Variants in ATP8A2 observed in about 807,000 individuals in gnomAD.
ATP8A2 encodes phospholipid-transporting ATPase IB.
In ATP8A2, 100 loss-of-function variants were observed where a neutral mutation model predicts 165.6. The ratio of observed to expected loss-of-function variants is 0.60; its 90% CI spans 0.51 to 0.71. The LOEUF (loss-of-function observed/expected upper bound fraction) is 0.71. ATP8A2 is among the 30% of genes least tolerant of loss of function. The pLI is 0.00. For synonymous variants in ATP8A2, 543 were observed against 548.8 expected (o/e 0.99, Z 0.15); for missense variants, 1,227 against 1,479.5 (o/e 0.83, Z 2.80).
At chr13:25,388,484 T>C (rs1174578845) in intron 1 of ATP8A2, among the ~76,000 whole-genome samples, 1 of 152,138 alleles carries the variant, frequency 6.6e-6, no homozygotes, top group Non-Finnish European at 1.5e-5. Context: ...GGGGTCCGTG[T>C]GAGAGGACCG....
intron 24 of ATP8A2, among the ~76,000 whole-genome samples, chr13:25,620,287 C>T (rs2040936000): frequency 6.6e-6 from 1 of 152,130 alleles, no homozygotes; most frequent in African/African-American, 2.4e-5. Flanking sequence ...TCACCAGCAA[C>T]AGAGGGACCA....
intron 1 of ATP8A2, among the ~76,000 whole-genome samples, chr13:25,443,583 A>C (rs1319403530): frequency 1.3e-5 from 2 of 152,364 alleles, no homozygotes; most frequent in African/African-American, 4.8e-5. Flanking sequence ...TGTGTTATAC[A>C]CGCCTATCAT....
intron 23 of ATP8A2, among the ~76,000 whole-genome samples, chr13:25,586,393 A>G (rs1460116624): frequency 6.6e-6 from 1 of 152,110 alleles, no homozygotes; most frequent in Non-Finnish European, 1.5e-5. Flanking sequence ...TTGAGGGAGC[A>G]TGTTCTTCTG....
intron 27 of ATP8A2, among the ~76,000 whole-genome samples, chr13:25,811,247 A>G (rs756542682): frequency 1.6e-4 from 25 of 152,242 alleles, no homozygotes; most frequent in Non-Finnish European, 2.8e-4. Flanking sequence ...ACATAGCAAT[A>G]TCAGTGACAT....
chr13:25,853,588 A>C, intron 30 of ATP8A2, among the ~76,000 whole-genome samples: 1 of 152,016 alleles, frequency 6.6e-6, no homozygotes, highest in East Asian at 1.9e-4. Flanking sequence ...AAGTTGTCAA[A>C]CCATAGCTAC....
chr13:25,479,448 AT>A (rs1211933391), intron 2 of ATP8A2, among the ~76,000 whole-genome samples: 4 of 152,168 alleles, frequency 2.6e-5, no homozygotes, highest in African/African-American at 9.7e-5. Context: ...TGCATTATTA[AT>A]AAGTATAATT....
chr13:25,934,050 T>A (rs886720118), intron 33 of ATP8A2, among the ~76,000 whole-genome samples: 1 of 152,178 alleles, frequency 6.6e-6, no homozygotes, highest in African/African-American at 2.4e-5. Flanking sequence ...TGCAAAGGCC[T>A]AGGAGGAAAA....
At chr13:25,453,246 C>T (rs2035276526) in intron 1 of ATP8A2, among the ~76,000 whole-genome samples, 1 of 151,960 alleles carries the variant, frequency 6.6e-6, no homozygotes, top group Admixed American at 6.6e-5. Context: ...CCTGCCTCAG[C>T]CTCCCGAGTA....
intron 28 of ATP8A2, among the ~76,000 whole-genome samples, chr13:25,831,215 T>TG (rs1241843183): frequency 9.0e-6 from 1 of 111,084 alleles, no homozygotes; most frequent in African/African-American, 3.2e-5. Context: ...AAACTAATTT[T>TG]CTTTTTTTTT....
Position 25,891,255 on chromosome 13 carries a change from C to T in ATP8A2, c.3183+28847C>T, listed in dbSNP as rs556184764. Reference sequence around the variant, plus strand: ...CAAAGTTACGCCACTCGAAAACGATCGTGTTGAAAGTGTGTCATATTCAGA... The same window carrying T: ...CAAAGTTACGCCACTCGAAAACGATTGTGTTGAAAGTGTGTCATATTCAGA... On this transcript the variant is annotated intron_variant, in intron 33 of 36. Coordinates refer to ENST00000381655, the MANE Select transcript of ATP8A2 (RefSeq NM_016529.6). 5.5e-4 allele frequency among the ~76,000 whole-genome samples: 84 copies of T among 152,260 alleles called. 2 individuals carry two copies. In the Middle Eastern group the frequency reaches 0.02, roughly 37 times the overall value.
chr13:25,858,865 G>A (rs1227384015), intron 30 of ATP8A2, among the ~76,000 whole-genome samples: 1 of 152,072 alleles, frequency 6.6e-6, no homozygotes. Context: ...AACAATAGAT[G>A]CCGGAGAACT....
chr13:26,010,130 C>T (rs866396595), intron 35 of ATP8A2, among the ~76,000 whole-genome samples: 75 of 152,308 alleles, frequency 4.9e-4, no homozygotes, highest in African/African-American at 1.5e-3. Flanking sequence ...CCACTCTAGG[C>T]GGCATCTAGG....
In ATP8A2 at chr13:25,874,575, G is replaced by C. The variant is rs139650497; in HGVS notation, c.3183+12167G>C. On this transcript the variant is annotated intron_variant, in intron 33 of 36. Coordinates refer to ENST00000381655, the MANE Select transcript of ATP8A2 (RefSeq NM_016529.6). ...ACAGAAAACAGAAAATAAGTAGTTGGTGAGGATGTGGAGAGATCGAAACGC... is the reference window on the plus strand; with the variant it reads ...ACAGAAAACAGAAAATAAGTAGTTGCTGAGGATGTGGAGAGATCGAAACGC... Among the ~76,000 whole-genome samples, 1,084 of 152,336 alleles carry C rather than the reference G, an allele frequency of 7.1e-3. 13 individuals are homozygous for C. The highest frequency in any genetic ancestry group is 0.025 in the African/African-American group (1,024 of 41,578).
intron 6 of ATP8A2, among the ~76,000 whole-genome samples, chr13:25,537,458 T>C (rs1220311123): frequency 6.6e-6 from 1 of 152,242 alleles, no homozygotes; most frequent in African/African-American, 2.4e-5. Context: ...GAAAAATTTA[T>C]GTGTGTTAAC....
At chr13:25,600,548 G>C (rs76414356) in intron 24 of ATP8A2, among the ~76,000 whole-genome samples, 1,943 of 152,282 alleles carry the variant, frequency 0.013, 43 homozygotes, top group African/African-American at 0.045. Flanking sequence ...GAGCCCTAGA[G>C]AGGCTTCAGG....
intron 24 of ATP8A2, among the ~76,000 whole-genome samples, chr13:25,688,104 TTTTCGTGCTGTTGTGTGGCTG>T (rs138983783): frequency 0.36 from 54,911 of 151,908 alleles, 10,788 homozygotes; most frequent in Middle Eastern, 0.46. Context: ...TCTTTGGCTG[TTTTCGTGCTGTTGTGTGGCTG>T]TTTTGTGCTG....
At chr13:25,481,898 A>T (rs1400771376) in intron 2 of ATP8A2, among the ~76,000 whole-genome samples, 1 of 152,104 alleles carries the variant, frequency 6.6e-6, no homozygotes, top group Non-Finnish European at 1.5e-5. Context: ...TCATGACCTC[A>T]TCTAATCCTA....
rs895945509 is a variant in ATP8A2, at chr13:26,023,539, A to C, written c.*3554A>C. On this transcript the variant is annotated 3_prime_UTR_variant, in exon 37 of 37. Transcript: ENST00000381655. ...TGTCTTATAATGCATATGTATGTAAATATTACAGGATTTAAGGTTGAATTT... is the reference window on the plus strand; with the variant it reads ...TGTCTTATAATGCATATGTATGTAACTATTACAGGATTTAAGGTTGAATTT... 2 of 152,204 alleles carry C rather than the reference A, an allele frequency of 1.3e-5. No individual in the cohort carries two copies. The highest frequency in any genetic ancestry group is 4.8e-5 in the African/African-American group (2 of 41,448). The allele number at this position is 152,204 out of a possible 1,614,324, so 9.4% of individuals were successfully genotyped here.
chr13:25,491,932 A>G (rs1352173059), intron 2 of ATP8A2, among the ~76,000 whole-genome samples: 1 of 152,250 alleles, frequency 6.6e-6, no homozygotes, highest in East Asian at 1.9e-4. Context: ...TCTGTAACCA[A>G]AGGATCAAAA....
Sources: allele counts gnomAD v4.1 joint callset (sites outside exome capture counted in the v4.1 genomes callset), GRCh38; gene constraint gnomAD v4.1.1; transcripts MANE v1.5; gene names NCBI Gene and HGNC (gene_info 2026-07-23, HGNC 2026-07-21).